GLIS3: variants seen among roughly 807,000 people sequenced by gnomAD.
GLIS3 encodes GLIS family zinc finger 3.
In GLIS3, 53 loss-of-function variants were observed where a neutral mutation model predicts 78.6. The ratio of observed to expected loss-of-function variants is 0.67; its 90% confidence interval spans 0.54 to 0.85. The LOEUF is 0.85. Ranked by LOEUF, GLIS3 falls within the 40% of genes least tolerant of loss-of-function variation. GLIS3 has a pLI of 0.00. For missense variants in GLIS3, 1,703 were observed against 1,231.1 expected (o/e 1.38, Z -5.74); for synonymous variants, 684 against 509.9 (o/e 1.34, Z -4.60).
intron 2 of GLIS3, among the ~76,000 whole-genome samples, chr9:4,342,092 CTTTAG>C (rs961411004): frequency 1.1e-4 from 17 of 152,220 alleles, no homozygotes; most frequent in African/African-American, 3.9e-4. Context: ...TGCAGAGGCT[CTTTAG>C]TTTAATTAGG....
intron 2 of GLIS3, among the ~76,000 whole-genome samples, chr9:4,159,673 C>T (rs935191525): frequency 5.5e-4 from 83 of 151,548 alleles, no homozygotes; most frequent in Admixed American, 1.8e-3. Flanking sequence ...GAGCCGAGAT[C>T]GCACCAGTGC....
intron 4 of GLIS3, among the ~76,000 whole-genome samples, chr9:4,069,074 G>T (rs751423189): frequency 6.6e-6 from 1 of 152,116 alleles, no homozygotes; most frequent in African/African-American, 2.4e-5. Flanking sequence ...GGATTAGCAG[G>T]AATACTATAA....
At chr9:4,312,404 G>A (rs1206617864) in intron 2 of GLIS3, among the ~76,000 whole-genome samples, 2 of 152,296 alleles carry the variant, frequency 1.3e-5, no homozygotes, top group South Asian at 2.1e-4. Flanking sequence ...GGAGTGGGAG[G>A]TTGCAGTAAG....
At chr9:4,186,598 AG>A (rs1817820178) in intron 2 of GLIS3, among the ~76,000 whole-genome samples, 1 of 151,484 alleles carries the variant, frequency 6.6e-6, no homozygotes, top group Non-Finnish European at 1.5e-5. Context: ...TGGTTGAACT[AG>A]TTTACAGTCC....
rs148816140 is a variant in GLIS3, at chr9:3,898,730, C to T, written c.2089G>A (p.Val697Met). Reference protein sequence around the residue: ...SPRDAAAEGTVGRSPGPGPDL... With the variant: ...SPRDAAAEGTMGRSPGPGPDL... ...GGCCCGGGTCCAGGGGAGCGTCCCA[C>T]GGTCCCTTCAGCAGCAGCATCTCTA... Residue 697 changes from valine to methionine, a missense_variant, in exon 7 of 11, where the codon GTG (valine) becomes ATG (methionine). Val to Met is a conservative substitution (Grantham distance 21). Transcript: ENST00000381971. The T allele has an allele frequency of 4.2e-4, 676 of 1,614,140 alleles. 4 individuals carry two copies. The African/African-American group carries it at 7.5e-3, about 18-fold the overall frequency.
At chr9:3,965,058 C>G (rs922130484) in intron 4 of GLIS3, among the ~76,000 whole-genome samples, 14 of 152,020 alleles carry the variant, frequency 9.2e-5, no homozygotes, top group South Asian at 2.1e-4. Context: ...GCCACAGTTT[C>G]ACAACTGTCA....
chr9:4,386,004 T>G, the GLIS3 span, among the ~76,000 whole-genome samples: 1 of 152,196 alleles, frequency 6.6e-6, no homozygotes, highest in African/African-American at 2.4e-5. Flanking sequence ...TCCCATCTAT[T>G]TATGGCATCT....
At chr9:3,983,190 T>C (rs1004275805) in intron 4 of GLIS3, among the ~76,000 whole-genome samples, 7 of 152,180 alleles carry the variant, frequency 4.6e-5, no homozygotes, top group Admixed American at 6.5e-5. Flanking sequence ...CAAGATCTGA[T>C]GGTTTTAAAA....
chr9:4,184,680 G>A lies in GLIS3; in HGVS notation c.389-58739C>T, dbSNP rs369959166. Reference sequence around the variant, plus strand: ...CTACTGGGGGAACCCCTGGTTGGAGGGGAGATTTAGAGAGACTTAAACAGC... The same window carrying A: ...CTACTGGGGGAACCCCTGGTTGGAGAGGAGATTTAGAGAGACTTAAACAGC... On this transcript the variant is annotated intron_variant, in intron 2 of 10. Coordinates refer to ENST00000381971, the MANE Select transcript of GLIS3 (RefSeq NM_001042413.2). Among the ~76,000 whole-genome samples, 146 of 152,334 alleles carry A rather than the reference G, an allele frequency of 9.6e-4. 1 individual carries two copies. The highest frequency in any genetic ancestry group is 3.3e-3 in the African/African-American group (136 of 41,580).
the GLIS3 span, among the ~76,000 whole-genome samples, chr9:4,463,612 G>A: frequency 6.6e-6 from 1 of 152,118 alleles, no homozygotes; most frequent in Non-Finnish European, 1.5e-5. Context: ...TGCTGTTTTA[G>A]GAGAATACAC....
the GLIS3 span, among the ~76,000 whole-genome samples, chr9:4,370,311 A>G: frequency 6.6e-6 from 1 of 152,048 alleles, no homozygotes; most frequent in Non-Finnish European, 1.5e-5. Flanking sequence ...AGTGAGCAGC[A>G]TCACTTCCTC....
In GLIS3 at chr9:4,191,034, C is replaced by T. The variant is rs947051270; in HGVS notation, c.389-65093G>A. On this transcript the variant is annotated intron_variant, in intron 2 of 10. Transcript: ENST00000381971. The stretch of plus-strand genomic sequence containing the variant: ...GCCCTAAAAGAGCTCCTGAAGGAAG[C>T]GCTAAACATGGAAAGGAACAACTGG... 4.6e-5 allele frequency among the ~76,000 whole-genome samples: 7 copies of T among 151,750 alleles called. No individual in the cohort carries two copies. In the South Asian group the frequency reaches 8.5e-4, roughly 18 times the overall value.
At chr9:4,269,562 G>T (rs73382379) in intron 2 of GLIS3, among the ~76,000 whole-genome samples, 2 of 152,100 alleles carry the variant, frequency 1.3e-5, no homozygotes, top group Admixed American at 6.6e-5. Flanking sequence ...AATTTTACCT[G>T]ATTTCATATT....
chr9:3,878,249 T>C (rs1821458518), intron 8 of GLIS3, among the ~76,000 whole-genome samples: 2 of 151,920 alleles, frequency 1.3e-5, no homozygotes, highest in South Asian at 4.2e-4. Context: ...GGGATCTCTA[T>C]TACATCATTT....
chr9:4,414,069 A>G, the GLIS3 span, among the ~76,000 whole-genome samples: 1 of 152,190 alleles, frequency 6.6e-6, no homozygotes, highest in African/African-American at 2.4e-5. Flanking sequence ...ACTCATGTAC[A>G]TTTCCTCTGA....
At position 4,319,740 on chromosome 9, in the gene GLIS3, G is replaced by A. The variant is rs111328693; in HGVS notation, n.265-9212C>T. On this transcript the variant is annotated intron_variant and non_coding_transcript_variant, in intron 2 of 4. Coordinates refer to the GLIS3 transcript ENST00000471664. Reference sequence around the variant, plus strand: ...AGACAGGGTCTCACTATGTTGCCCAGGATGGTTTTGAACTCTGCCCTCAAG... The same window carrying A: ...AGACAGGGTCTCACTATGTTGCCCAAGATGGTTTTGAACTCTGCCCTCAAG... Among the ~76,000 whole-genome samples, 715 of 152,156 alleles carry A rather than the reference G, an allele frequency of 4.7e-3. 4 individuals carry two copies. The highest frequency in any genetic ancestry group is 7.4e-3 in the Non-Finnish European group (506 of 68,002).
At chr9:4,214,644 C>T (rs1365159539) in intron 2 of GLIS3, among the ~76,000 whole-genome samples, 1 of 152,156 alleles carries the variant, frequency 6.6e-6, no homozygotes, top group Admixed American at 6.6e-5. Context: ...CATTTAGCTT[C>T]CTTAATGTTC....
intron 2 of GLIS3, among the ~76,000 whole-genome samples, chr9:4,158,628 T>C (rs1313500495): frequency 3.9e-5 from 6 of 152,194 alleles, no homozygotes; most frequent in African/African-American, 1.4e-4. Flanking sequence ...AAATGTATTA[T>C]AATATATGAT....
chr9:4,027,059 GC>G (rs777741661), intron 4 of GLIS3, among the ~76,000 whole-genome samples: 5 of 152,112 alleles, frequency 3.3e-5, no homozygotes, highest in Non-Finnish European at 5.9e-5. Context: ...TGTCAACCCT[GC>G]CCCATCTTTC....
Sources: allele counts gnomAD v4.1 joint callset (sites outside exome capture counted in the v4.1 genomes callset), GRCh38; gene constraint gnomAD v4.1.1; transcripts MANE v1.5; gene names NCBI Gene and HGNC (gene_info 2026-07-23, HGNC 2026-07-21).